SCARB1: variants seen among roughly 807,000 people sequenced by gnomAD.
SCARB1 encodes scavenger receptor class B member 1, also known as CD36 and LIMPII analogous 1.
In SCARB1, 30 loss-of-function variants were observed where a neutral mutation model predicts 57.2. That is an observed-to-expected ratio of 0.52 (90% CI 0.39 to 0.71). The LOEUF (loss-of-function observed/expected upper bound fraction) is 0.71, where lower values mean the gene tolerates loss of function less well. SCARB1 is among the 30% of genes least tolerant of loss of function. The probability of loss-of-function intolerance (pLI) is 0.00; values close to 1 mark genes in which losing one functional copy is unlikely to be tolerated. For missense variants in SCARB1, 543 were observed against 671.2 expected, an observed-to-expected ratio of 0.81 and a Z score of 2.11; for synonymous variants, 249 against 268.3, an observed-to-expected ratio of 0.93 and a Z score of 0.70.
chr12:124,788,360 A>G (rs754954841), intron 9 of SCARB1, among the ~76,000 whole-genome samples: 1 of 152,208 alleles, frequency 6.6e-6, no homozygotes, highest in Non-Finnish European at 1.5e-5. Context: ...ACTCCACTTC[A>G]GCCTCTCTTG....
chr12:124,860,445 C>T (rs1249827405), intron 1 of SCARB1, among the ~76,000 whole-genome samples: 4 of 152,258 alleles, frequency 2.6e-5, no homozygotes, highest in African/African-American at 7.2e-5. Context: ...GGCCTCTCCC[C>T]CATGTCCACC....
chr12:124,863,554 C>A (rs747803324), intron 1 of SCARB1, 41 bp downstream of exon 1: 1 of 1,588,458 alleles, frequency 6.3e-7, no homozygotes, highest in South Asian at 1.1e-5. Flanking sequence ...GCCCAACAGC[C>A]CGGGTCCGTG....
rs563808571 is a variant in SCARB1, at chr12:124,804,381, G to C, written c.1009+3380C>G. 4.6e-5 allele frequency among the ~76,000 whole-genome samples: 7 copies of C among 152,250 alleles called. No individual in the cohort carries two copies. The South Asian group carries it at 1.4e-3, about 31-fold the overall frequency. The stretch of plus-strand genomic sequence containing the variant: ...CAGCAGAAAACTGAGCTGGGACTTG[G>C]CAGAGGCAGCTTCCAGACAACATCT... On this transcript the variant is annotated intron_variant, in intron 7 of 12. Coordinates refer to ENST00000261693, the MANE Select transcript of SCARB1 (RefSeq NM_005505.5).
rs545780202 is a variant in SCARB1, at chr12:124,831,405, C to T, written c.127-13698G>A. Among the ~76,000 whole-genome samples, 80 of 152,302 alleles carry T rather than the reference C, an allele frequency of 5.3e-4. 1 individual carries two copies. The highest frequency in any genetic ancestry group is 1.9e-3 in the African/African-American group (79 of 41,560). ...GTGCTGGGATTACAGACGTGAGCCACTGCGCCTGGCCTAAAGCAAAAAATT... is the reference window on the plus strand; with the variant it reads ...GTGCTGGGATTACAGACGTGAGCCATTGCGCCTGGCCTAAAGCAAAAAATT... On this transcript the variant is annotated intron_variant, in intron 1 of 12. Coordinates refer to ENST00000261693, the MANE Select transcript of SCARB1 (RefSeq NM_005505.5).
intron 7 of SCARB1, among the ~76,000 whole-genome samples, chr12:124,805,885 T>C (rs1950306056): frequency 6.6e-6 from 1 of 151,894 alleles, no homozygotes; most frequent in Non-Finnish European, 1.5e-5. Context: ...TGTTAAAAGA[T>C]CCCTCCGCTG....
chr12:124,799,473 G>A (rs1228975632), intron 8 of SCARB1, among the ~76,000 whole-genome samples: 1 of 152,098 alleles, frequency 6.6e-6, no homozygotes, highest in East Asian at 1.9e-4. Context: ...GCTGCAGTGA[G>A]CCATGATCAT....
intron 11 of SCARB1, chr12:124,784,585 G>C (rs371170340): frequency 6.6e-6 from 1 of 152,506 alleles, no homozygotes; most frequent in Non-Finnish European, 1.5e-5. Context: ...CCCTGAGACA[G>C]GGGAAGAGGA....
At chr12:124,861,489 AT>A (rs1291371730) in intron 1 of SCARB1, among the ~76,000 whole-genome samples, 14 of 150,320 alleles carry the variant, frequency 9.3e-5, no homozygotes, top group African/African-American at 3.2e-4. Flanking sequence ...AAAAAAAAAA[AT>A]AAAAGCACAA....
intron 1 of SCARB1, among the ~76,000 whole-genome samples, chr12:124,855,504 G>T (rs936737887): frequency 2.6e-5 from 4 of 152,208 alleles, no homozygotes; most frequent in African/African-American, 9.7e-5. Context: ...GACAGCTCCA[G>T]CCTGGCCACT....
At chr12:124,840,124 A>C in intron 1 of SCARB1, 4 of 1,214,154 alleles carry the variant, frequency 3.3e-6, no homozygotes, top group African/African-American at 1.6e-5. Context: ...ACTGATTCTC[A>C]TTTCCCTAAC....
chr12:124,824,061 C>G (rs1951043758), intron 1 of SCARB1, among the ~76,000 whole-genome samples: 1 of 151,612 alleles, frequency 6.6e-6, no homozygotes, highest in Non-Finnish European at 1.5e-5. Context: ...GTATTCCCAG[C>G]TACTCGGGAG....
rs543450578 is a variant in SCARB1, at chr12:124,796,959, C to G, written c.1129-1691G>C. ...AACTGATGAGAGTAGTTCACTGGGC[C>G]GAAATTATTTGTACAAACAATATGG... On this transcript the variant is annotated intron_variant, in intron 8 of 12. Coordinates refer to ENST00000261693, the MANE Select transcript of SCARB1 (RefSeq NM_005505.5). The surrounding 1 kb of genome is among the most constrained non-coding windows in gnomAD (Gnocchi z 4.0). Among the ~76,000 whole-genome samples, 2 of 152,238 alleles carry G rather than the reference C, an allele frequency of 1.3e-5. No homozygotes were observed. Among genetic ancestry groups the G allele is most frequent in the South Asian group, 4.1e-4 (2 of 4,824 alleles).
intron 1 of SCARB1, among the ~76,000 whole-genome samples, chr12:124,858,980 TC>T (rs1952767220): frequency 6.6e-6 from 1 of 151,940 alleles, no homozygotes; most frequent in Admixed American, 6.6e-5. Flanking sequence ...GCTCAAGATA[TC>T]CTCCCACCTC....
In SCARB1 at chr12:124,862,871, T is replaced by C. The variant is rs1004210859; in HGVS notation, c.126+724A>G. Among the ~76,000 whole-genome samples, 9 of 152,342 alleles carry C rather than the reference T, an allele frequency of 5.9e-5. No individual in the cohort carries two copies. In the East Asian group the frequency reaches 1.7e-3, roughly 29 times the overall value. ...CTCCCTGGTTGAAAGGGCAATGGTA[T>C]GCAAAGTTAGGATCAGAGGAAAGAC... On this transcript the variant is annotated intron_variant, in intron 1 of 12. Transcript: ENST00000261693.
In SCARB1 at chr12:124,800,024, C is replaced by A; in HGVS notation, c.1128+100G>T. ...ATTCTAGAAGCCAGGCTTCCCACCA[C>A]CCCAGCCCACAGCAGCTCTCTGCCT... On this transcript the variant is annotated intron_variant, in intron 8 of 12. Coordinates refer to ENST00000261693, the MANE Select transcript of SCARB1 (RefSeq NM_005505.5). This position sits in a 1 kb window ranked among gnomAD's most constrained non-coding sequence, Gnocchi z 4.8. 1.1e-6 allele frequency: 1 copy of A among 922,364 alleles called. No individual in the cohort carries two copies. The highest frequency in any genetic ancestry group is 1.3e-5 in the South Asian group (1 of 76,184). 57.1% of individuals were successfully genotyped at this position (922,364 alleles called of 1,614,324 possible). A position where few individuals can be genotyped will look rare whatever the true frequency, so the allele number is the denominator to read the frequency against.
chr12:124,829,235 C>T (rs143013968), intron 1 of SCARB1, among the ~76,000 whole-genome samples: 2 of 152,304 alleles, frequency 1.3e-5, no homozygotes, highest in East Asian at 1.9e-4. Context: ...GGGCTGCTCT[C>T]GCTTTAAAGC....
chr12:124,841,320 G>A lies in SCARB1; in HGVS notation c.126+22275C>T, dbSNP rs528992128. Among the ~76,000 whole-genome samples the A allele has an allele frequency of 2.1e-4, 32 of 151,312 alleles. No individual in the cohort carries two copies. In the East Asian group the frequency reaches 3.1e-3, roughly 15 times the overall value. On this transcript the variant is annotated intron_variant, in intron 1 of 12. Transcript: ENST00000261693. ...CAGGGAGGCGGAGCTTGCAGTGAGC[G>A]GAGATTGCGCCACTGCACTCCCCCG...
intron 8 of SCARB1, among the ~76,000 whole-genome samples, chr12:124,795,610 C>T (rs1346514132): frequency 6.6e-6 from 1 of 152,220 alleles, no homozygotes; most frequent in Non-Finnish European, 1.5e-5. Context: ...CCTCCTAAGA[C>T]AGCGTTTCCC....
At chr12:124,806,069 C>T (rs927827677) in intron 7 of SCARB1, among the ~76,000 whole-genome samples, 2 of 152,098 alleles carry the variant, frequency 1.3e-5, no homozygotes, top group African/African-American at 2.4e-5. Context: ...TTTAAACAGC[C>T]GCAAGAGGCC....
Sources: allele counts gnomAD v4.1 joint callset (sites outside exome capture counted in the v4.1 genomes callset), GRCh38; gene constraint gnomAD v4.1.1; non-coding constraint Gnocchi (gnomAD v3.1); transcripts MANE v1.5; gene names NCBI Gene and HGNC (gene_info 2026-07-23, HGNC 2026-07-21).